The following PDE7B variants were observed in gnomAD, a reference collection of about 807,000 sequenced individuals.
PDE7B encodes phosphodiesterase 7B, also known as 3',5'-cyclic-AMP phosphodiesterase 7B.
In PDE7B, 29 loss-of-function variants were observed where a neutral mutation model predicts 56.2. The ratio of observed to expected loss-of-function variants is 0.52; its 90% CI spans 0.38 to 0.70. The LOEUF is 0.70. PDE7B is among the 30% of genes least tolerant of loss of function. The probability of loss-of-function intolerance (pLI) is 0.00; values close to 1 mark genes in which losing one functional copy is unlikely to be tolerated. For missense variants in PDE7B, 490 were observed against 565.0 expected (o/e 0.87, Z 1.35); for synonymous variants, 197 against 196.9 (o/e 1.00, Z 0.00).
rs904863038 is a variant in PDE7B, at chr6:136,195,245, A to C, written c.*3405A>C. 8.5e-5 allele frequency: 13 copies of C among 152,174 alleles called. No individual in the cohort carries two copies. The highest frequency in any genetic ancestry group is 3.1e-4 in the African/African-American group (13 of 41,436). The allele number at this position is 152,174 out of a possible 1,614,324, so 9.4% of individuals were successfully genotyped here. On this transcript the variant is annotated 3_prime_UTR_variant, in exon 13 of 13. Transcript: ENST00000308191. ...TTTCTCCCTGCTTATGGCTCCCCGC[A>C]AAGGGACTTGCAGCGTGTCCTGCAA...
At chr6:136,068,127 C>A (rs188352653) in intron 2 of PDE7B, among the ~76,000 whole-genome samples, 210 of 152,326 alleles carry the variant, frequency 1.4e-3, no homozygotes, top group Middle Eastern at 3.4e-3. Context: ...GAGTGACCAA[C>A]GGCCCGTGAC....
intron 3 of PDE7B, among the ~76,000 whole-genome samples, chr6:136,141,829 G>C (rs1778332307): frequency 6.6e-6 from 1 of 151,928 alleles, no homozygotes; most frequent in Non-Finnish European, 1.5e-5. Flanking sequence ...ATCATTTTTT[G>C]ATTGCGTCTA....
intron 1 of PDE7B, among the ~76,000 whole-genome samples, chr6:135,903,940 A>C (rs1279122702): frequency 6.6e-6 from 1 of 152,208 alleles, no homozygotes; most frequent in Non-Finnish European, 1.5e-5. Flanking sequence ...CATTTTTCCA[A>C]AGCAAAATGC....
intron 2 of PDE7B, among the ~76,000 whole-genome samples, chr6:135,985,317 C>T (rs973715875): frequency 2.6e-5 from 4 of 152,190 alleles, no homozygotes; most frequent in African/African-American, 9.6e-5. Flanking sequence ...GGGAGCTCCA[C>T]AGGCCCCTGG....
intron 2 of PDE7B, among the ~76,000 whole-genome samples, chr6:136,059,899 A>G (rs1776807586): frequency 6.6e-6 from 1 of 152,210 alleles, no homozygotes; most frequent in Non-Finnish European, 1.5e-5. Flanking sequence ...CCATAAATTA[A>G]TCATTCCTGA....
intron 2 of PDE7B, among the ~76,000 whole-genome samples, chr6:136,083,109 T>C (rs1237029166): frequency 6.6e-6 from 1 of 152,120 alleles, no homozygotes; most frequent in Non-Finnish European, 1.5e-5. Flanking sequence ...TGGAGGACAG[T>C]GTTAGAAGGC....
intron 1 of PDE7B, among the ~76,000 whole-genome samples, chr6:135,916,627 A>T (rs1297327928): frequency 1.3e-5 from 2 of 151,638 alleles, no homozygotes. Context: ...TCTTGATCCC[A>T]TGATCCACCT....
intron 1 of PDE7B, among the ~76,000 whole-genome samples, chr6:135,924,077 A>G (rs1247212828): frequency 1.3e-5 from 2 of 152,214 alleles, no homozygotes; most frequent in Non-Finnish European, 2.9e-5. Flanking sequence ...GTGCACAGGC[A>G]ATCTCATTCA....
At chr6:135,877,988 G>A (rs958170060) in intron 1 of PDE7B, among the ~76,000 whole-genome samples, 3 of 152,126 alleles carry the variant, frequency 2.0e-5, no homozygotes, top group African/African-American at 2.4e-5. Flanking sequence ...CATCTCCAAC[G>A]TGCCACATGC....
intron 1 of PDE7B, among the ~76,000 whole-genome samples, chr6:135,904,225 C>A (rs796446670): frequency 9.2e-5 from 14 of 152,288 alleles, no homozygotes; most frequent in African/African-American, 3.1e-4. Context: ...AAGCACCTGA[C>A]CTTGTGGCAA....
chr6:135,947,587 G>A, intron 2 of PDE7B, 63 bp downstream of exon 2: 1 of 1,280,420 alleles, frequency 7.8e-7, no homozygotes, highest in Non-Finnish European at 1.1e-6. Context: ...TTATCATTCT[G>A]TTGCCTTTTT....
At chr6:135,897,118 G>A (rs1021714056) in intron 1 of PDE7B, among the ~76,000 whole-genome samples, 7 of 152,122 alleles carry the variant, frequency 4.6e-5, no homozygotes, top group African/African-American at 1.7e-4. Flanking sequence ...CACCTACACA[G>A]TAGCCTTCCA....
intron 2 of PDE7B, among the ~76,000 whole-genome samples, chr6:135,969,859 G>C (rs542226364): frequency 6.6e-6 from 1 of 152,230 alleles, no homozygotes; most frequent in Non-Finnish European, 1.5e-5. Context: ...TGGCTATTCA[G>C]AGATGAAGGA....
intron 1 of PDE7B, among the ~76,000 whole-genome samples, chr6:135,926,978 ATT>A (rs1373279500): frequency 6.6e-6 from 1 of 152,178 alleles, no homozygotes; most frequent in Non-Finnish European, 1.5e-5. Context: ...CTTATTAAAT[ATT>A]CTTAGGTTAT....
intron 2 of PDE7B, chr6:136,038,546 T>C: frequency 7.9e-7 from 1 of 1,260,382 alleles, no homozygotes; most frequent in Non-Finnish European, 1.0e-6. Context: ...GACCATGGGG[T>C]GTAATAGGTC....
At chr6:136,127,467 A>C (rs1294869347) in intron 3 of PDE7B, among the ~76,000 whole-genome samples, 3 of 152,202 alleles carry the variant, frequency 2.0e-5, no homozygotes, top group African/African-American at 7.2e-5. Context: ...AAAGTGTCTT[A>C]AACGTAAGAG....
intron 3 of PDE7B, among the ~76,000 whole-genome samples, chr6:136,124,680 A>G (rs1470380652): frequency 1.3e-5 from 2 of 152,230 alleles, no homozygotes; most frequent in African/African-American, 2.4e-5. Flanking sequence ...GTTCATTGCT[A>G]TATCCTAGTC....
intron 3 of PDE7B, among the ~76,000 whole-genome samples, chr6:136,110,376 T>C (rs544556098): frequency 3.3e-5 from 5 of 152,200 alleles, no homozygotes; most frequent in Admixed American, 1.3e-4. Context: ...GTCCTAGGCA[T>C]GTGGTTTCTC....
At chr6:135,934,735 A>AT (rs1774359835) in intron 1 of PDE7B, among the ~76,000 whole-genome samples, 1 of 97,290 alleles carries the variant, frequency 1.0e-5, no homozygotes, top group South Asian at 3.2e-4. Context: ...GTCTCAAAAA[A>AT]AAAAATATAT....
Sources: gnomAD v4.1 joint callset for allele counts (sites outside exome capture counted in the v4.1 genomes callset) on GRCh38, gnomAD v4.1.1 for gene constraint, MANE v1.5 for transcripts, NCBI Gene and HGNC (gene_info 2026-07-23, HGNC 2026-07-21) for gene names.